The following COMMD1 variants were observed in gnomAD, a reference collection of about 807,000 sequenced individuals.
COMMD1 encodes COMM domain-containing protein 1.
Under a neutral mutation model 17.2 loss-of-function variants are expected in COMMD1, and 10 were observed. The ratio of observed to expected loss-of-function variants is 0.58; its 90% CI spans 0.36 to 0.99. The LOEUF (loss-of-function observed/expected upper bound fraction) is 0.99, where lower values mean the gene tolerates loss of function less well. Ranked by LOEUF, COMMD1 falls within the 50% of genes least tolerant of loss-of-function variation. COMMD1 has a pLI of 0.01. For synonymous variants in COMMD1, 97 were observed against 91.6 expected (o/e 1.06, Z -0.34); for missense variants, 270 against 231.8 (o/e 1.17, Z -1.07).
chr2:62,099,934 AACTC>A (rs1558599334), intron 2 of COMMD1, among the ~76,000 whole-genome samples: 1 of 152,098 alleles, frequency 6.6e-6, no homozygotes, highest in East Asian at 1.9e-4. Context: ...AAAGCTGAGG[AACTC>A]ACTCTCTCAT....
intron 2 of COMMD1, among the ~76,000 whole-genome samples, chr2:62,034,542 C>A (rs1277694553): frequency 6.6e-6 from 1 of 152,162 alleles, no homozygotes; most frequent in Non-Finnish European, 1.5e-5. Context: ...GTACCTACCA[C>A]TAATTTCATT....
intron 1 of COMMD1, among the ~76,000 whole-genome samples, chr2:61,946,763 G>GTT (rs1357149699): frequency 6.6e-6 from 1 of 151,880 alleles, no homozygotes; most frequent in African/African-American, 2.4e-5. Context: ...TTTTTCTCTT[G>GTT]TTTTTTTCTT....
rs141492652 is a variant in COMMD1, at chr2:62,071,665, A to G, written c.463-64166A>G. ...TAAAAAAGAAAAAATAATTATAAAA[A>G]TAAACTATTATAAATCAAAAATAAA... On this transcript the variant is annotated intron_variant, in intron 2 of 2. Coordinates refer to ENST00000311832, the MANE Select transcript of COMMD1 (RefSeq NM_152516.4). Among the ~76,000 whole-genome samples the G allele has an allele frequency of 6.4e-3, 972 of 152,308 alleles. 11 individuals carry two copies. The highest frequency in any genetic ancestry group is 0.022 in the African/African-American group (912 of 41,586).
intron 2 of COMMD1, among the ~76,000 whole-genome samples, chr2:62,110,627 A>C (rs1437712036): frequency 6.6e-6 from 1 of 152,114 alleles, no homozygotes; most frequent in Non-Finnish European, 1.5e-5. Flanking sequence ...CATGAAGTTG[A>C]GACAATTATG....
At chr2:61,926,624 G>T (rs986513919) in intron 1 of COMMD1, among the ~76,000 whole-genome samples, 1 of 152,074 alleles carries the variant, frequency 6.6e-6, no homozygotes, top group African/African-American at 2.4e-5. Context: ...CTCTTTTCAT[G>T]TTTACTTTAT....
chr2:62,099,205 C>G (rs189980576), intron 2 of COMMD1, among the ~76,000 whole-genome samples: 9 of 152,218 alleles, frequency 5.9e-5, no homozygotes, highest in Admixed American at 3.9e-4. Context: ...GTTTCTGGAG[C>G]CTTCCTGATT....
At chr2:62,011,323 G>A (rs922277449) in intron 2 of COMMD1, among the ~76,000 whole-genome samples, 3 of 152,162 alleles carry the variant, frequency 2.0e-5, no homozygotes, top group Admixed American at 6.5e-5. Flanking sequence ...ACCAGAACAC[G>A]TTCCTCAGCC....
intron 2 of COMMD1, among the ~76,000 whole-genome samples, chr2:62,030,236 C>T (rs1002687539): frequency 7.2e-5 from 11 of 152,084 alleles, no homozygotes; most frequent in African/African-American, 1.4e-4. Flanking sequence ...AGTTTTTACA[C>T]AGGGTATTGT....
intron 1 of COMMD1, among the ~76,000 whole-genome samples, chr2:61,897,250 A>G (rs1669568885): frequency 6.6e-6 from 1 of 152,212 alleles, no homozygotes; most frequent in Non-Finnish European, 1.5e-5. Context: ...ACCCTAGACC[A>G]AGTCCATATT....
chr2:62,011,285 G>A (rs931138258), intron 2 of COMMD1, among the ~76,000 whole-genome samples: 3 of 152,154 alleles, frequency 2.0e-5, no homozygotes, highest in African/African-American at 7.2e-5. Flanking sequence ...TGGTGTACAT[G>A]TCTGTGAAAA....
At chr2:62,068,975 C>A (rs543091214) in intron 2 of COMMD1, among the ~76,000 whole-genome samples, 1 of 151,946 alleles carries the variant, frequency 6.6e-6, no homozygotes, top group Non-Finnish European at 1.5e-5. Context: ...TGAAAAGATA[C>A]TAAAGACCTT....
chr2:61,916,525 G>C (rs879856453), intron 1 of COMMD1, among the ~76,000 whole-genome samples: 4 of 152,066 alleles, frequency 2.6e-5, no homozygotes, highest in African/African-American at 9.7e-5. Flanking sequence ...GGGCTCAAGC[G>C]ATCTTCCTAC....
intron 2 of COMMD1, among the ~76,000 whole-genome samples, chr2:62,115,845 TTTCTTTCTTTCTTTC>T (rs1431976860): frequency 2.6e-5 from 3 of 115,410 alleles, no homozygotes; most frequent in African/African-American, 7.6e-5. Flanking sequence ...TCTTTCTTTC[TTTCTTTCTTTCTTTC>T]TTTTTTTTTT....
At chr2:61,934,182 GT>G (rs1670543873) in intron 1 of COMMD1, among the ~76,000 whole-genome samples, 1 of 152,200 alleles carries the variant, frequency 6.6e-6, no homozygotes, top group Non-Finnish European at 1.5e-5. Flanking sequence ...GTGGGGGAAT[GT>G]GAGAGGTAGT....
intron 2 of COMMD1, among the ~76,000 whole-genome samples, chr2:62,035,057 A>G (rs1670003195): frequency 6.6e-6 from 1 of 152,218 alleles, no homozygotes. Context: ...TGATTTCAGT[A>G]TTTGATTTAG....
chr2:62,085,669 G>A (rs1671642060), intron 2 of COMMD1, among the ~76,000 whole-genome samples: 1 of 151,880 alleles, frequency 6.6e-6, no homozygotes, highest in Non-Finnish European at 1.5e-5. Flanking sequence ...GAGACCCCAT[G>A]TCTCTATAAA....
chr2:62,089,537 C>G (rs1164310944), intron 2 of COMMD1, among the ~76,000 whole-genome samples: 1 of 152,118 alleles, frequency 6.6e-6, no homozygotes, highest in Non-Finnish European at 1.5e-5. Context: ...CCTGCCTCGG[C>G]CTCTCAAAGT....
intron 2 of COMMD1, among the ~76,000 whole-genome samples, chr2:62,128,703 A>G (rs1167307372): frequency 6.6e-6 from 1 of 152,168 alleles, no homozygotes; most frequent in Non-Finnish European, 1.5e-5. Flanking sequence ...CCGTAATCCC[A>G]GCACTTTGGG....
intron 1 of COMMD1, among the ~76,000 whole-genome samples, chr2:61,926,708 A>G (rs12478803): frequency 6.6e-6 from 1 of 152,106 alleles, no homozygotes; most frequent in East Asian, 1.9e-4. Flanking sequence ...CTCTTTTCTC[A>G]TGTAAAATAT....
Sources: gnomAD v4.1 joint callset for allele counts (sites outside exome capture counted in the v4.1 genomes callset) on GRCh38, gnomAD v4.1.1 for gene constraint, MANE v1.5 for transcripts, NCBI Gene and HGNC (gene_info 2026-07-23, HGNC 2026-07-21) for gene names.